RP1: variants seen among roughly 807,000 people sequenced by gnomAD.
RP1 encodes the protein RP1 axonemal microtubule associated, also known as oxygen-regulated protein 1.
A neutral mutation model predicts 14.8 loss-of-function variants in RP1; 16 were observed. The ratio of observed to expected loss-of-function variants is 1.08; its 90% CI spans 0.73 to 1.65. The LOEUF is 1.65. Among genes scored for constraint, RP1 ranks in the 40% most tolerant of loss-of-function variants. RP1 has a pLI of 0.00. For synonymous variants in RP1, 876 were observed against 883.6 expected, an observed-to-expected ratio of 0.99 and a Z score of 0.15; for missense variants, 2,631 against 2,535.0, an observed-to-expected ratio of 1.04 and a Z score of -0.81.
Position 54,627,751 on chromosome 8 carries a change from A to G in RP1, c.3869A>G (p.Gln1290Arg). Residue 1290 changes from glutamine to arginine, a missense_variant, in exon 4 of 4, where the codon CAG becomes CGG. Transcript: ENST00000220676. ...FFPSDGYGVD[Q>R]TSMNKACFLG... is the part of the protein sequence containing the mutation. ...CCTAGTGATGGTTATGGTGTGGATC[A>G]GACTTCTATGAATAAGGCTTGTTTC... 1.2e-6 allele frequency: 2 copies of G among 1,613,986 alleles called. No homozygotes were observed. Among genetic ancestry groups the G allele is most frequent in the Non-Finnish European group, 1.7e-6 (2 of 1,179,926 alleles).
At chr8:54,606,196 A>G (rs1805437881) in intron 1 of RP1, among the ~76,000 whole-genome samples, 1 of 152,210 alleles carries the variant, frequency 6.6e-6, no homozygotes, top group Admixed American at 6.5e-5. Flanking sequence ...GTTCCTTTGC[A>G]TGTTCAGTGC....
intron 1 of RP1, among the ~76,000 whole-genome samples, chr8:54,576,341 G>A (rs1190075167): frequency 1.3e-5 from 2 of 152,176 alleles, no homozygotes; most frequent in Non-Finnish European, 1.5e-5. Context: ...CACCGCGCCC[G>A]GCCAGAACAT....
At chr8:54,829,910 C>T (rs1811479083) in intron 24 of RP1, among the ~76,000 whole-genome samples, 1 of 151,964 alleles carries the variant, frequency 6.6e-6, no homozygotes, top group African/African-American at 2.4e-5. Context: ...TCCCATAAAC[C>T]AGTATAAATT....
At chr8:54,648,263 T>C (rs1194029900) in intron 3 of RP1, among the ~76,000 whole-genome samples, 5 of 152,140 alleles carry the variant, frequency 3.3e-5, no homozygotes, top group Non-Finnish European at 5.9e-5. Context: ...ACACTGATGT[T>C]TACCCCAAAG....
intron 3 of RP1, among the ~76,000 whole-genome samples, chr8:54,641,373 A>T (rs1585576856): frequency 6.6e-6 from 1 of 152,294 alleles, no homozygotes; most frequent in South Asian, 2.1e-4. Context: ...AGACAGACAC[A>T]GGCACTATTT....
At chr8:54,831,453 A>C (rs1165926440) in intron 24 of RP1, among the ~76,000 whole-genome samples, 1 of 69,834 alleles carries the variant, frequency 1.4e-5, no homozygotes, top group Non-Finnish European at 3.0e-5. Flanking sequence ...TTGGCTTATT[A>C]CCTGTGCCTG....
intron 26 of RP1, among the ~76,000 whole-genome samples, chr8:54,855,702 C>G (rs1446144256): frequency 6.6e-6 from 1 of 152,084 alleles, no homozygotes; most frequent in African/African-American, 2.4e-5. Context: ...GTGTGCTCTA[C>G]AAAAGAGGGT....
intron 13 of RP1, chr8:54,699,649 G>A: frequency 1.5e-6 from 1 of 645,354 alleles, no homozygotes; most frequent in Non-Finnish European, 2.3e-6. Context: ...ACATTTATAA[G>A]ATTACCATTT....
chr8:54,564,022 TGA>T (rs1015707931), intron 1 of RP1, among the ~76,000 whole-genome samples: 16 of 152,228 alleles, frequency 1.1e-4, no homozygotes, highest in African/African-American at 3.9e-4. Context: ...TATGCTGGTG[TGA>T]GAGACCGCTG....
chr8:54,599,713 C>T (rs1805230897), intron 1 of RP1, among the ~76,000 whole-genome samples: 1 of 152,128 alleles, frequency 6.6e-6, no homozygotes, highest in Non-Finnish European at 1.5e-5. Flanking sequence ...CCTTGGCCTC[C>T]CAAAGTACTG....
intron 25 of RP1, among the ~76,000 whole-genome samples, chr8:54,844,988 C>T (rs1184404235): frequency 1.3e-5 from 2 of 152,154 alleles, no homozygotes; most frequent in Admixed American, 6.5e-5. Context: ...CCACCTCACC[C>T]CTCTTCAGTC....
chr8:54,628,875 C>T lies in RP1; in HGVS notation c.4993C>T (p.Gln1665Ter). 6.2e-7 allele frequency: 1 copy of T among 1,614,050 alleles called. No individual in the cohort carries two copies. Among genetic ancestry groups the T allele is most frequent in the Non-Finnish European group, 8.5e-7 (1 of 1,179,972 alleles). ...TTGTCCTTATAATTCTGTGGAATTTCAGTGTTCCAGGAAAGCAAGTCTTTA... is the reference window on the plus strand; with the variant it reads ...TTGTCCTTATAATTCTGTGGAATTTTAGTGTTCCAGGAAAGCAAGTCTTTA... ...QVCPYNSVEF[Q>*]CSRKASLYDS... Residue 1665 changes from glutamine to a stop codon, truncating the protein, a stop_gained, in exon 4 of 4, where the codon CAG becomes TAG. Transcript: ENST00000220676. LOFTEE classifies it low-confidence loss of function (END_TRUNC).
intron 24 of RP1, among the ~76,000 whole-genome samples, chr8:54,787,385 C>T (rs912927712): frequency 2.0e-5 from 3 of 151,922 alleles, no homozygotes; most frequent in Non-Finnish European, 4.4e-5. Flanking sequence ...TCATAAATAT[C>T]CATTGAAATC....
intron 22 of RP1, among the ~76,000 whole-genome samples, chr8:54,767,804 C>T (rs1809796948): frequency 1.3e-5 from 2 of 152,098 alleles, no homozygotes; most frequent in South Asian, 2.1e-4. Flanking sequence ...TAATTAGGGG[C>T]TAACAAAATG....
At chr8:54,588,897 G>T (rs2129300031) in intron 1 of RP1, among the ~76,000 whole-genome samples, 1 of 152,310 alleles carries the variant, frequency 6.6e-6, no homozygotes, top group Admixed American at 6.5e-5. Flanking sequence ...TACTCATTGA[G>T]CTGTTCCAGG....
intron 7 of RP1, among the ~76,000 whole-genome samples, chr8:54,669,127 A>G (rs1807084263): frequency 6.6e-6 from 1 of 152,214 alleles, no homozygotes; most frequent in African/African-American, 2.4e-5. Context: ...CAATCTACCC[A>G]TCTGACAAAA....
intron 6 of RP1, among the ~76,000 whole-genome samples, chr8:54,659,243 T>G (rs1806825287): frequency 6.6e-6 from 1 of 152,152 alleles, no homozygotes; most frequent in Admixed American, 6.5e-5. Context: ...CCCCATTTGT[T>G]TATGTTTGTT....
At chr8:54,580,642 G>A (rs868522376) in intron 1 of RP1, among the ~76,000 whole-genome samples, 17 of 146,978 alleles carry the variant, frequency 1.2e-4, no homozygotes, top group South Asian at 8.7e-4. Context: ...TTTTTGAGAC[G>A]GAGTCTTGCT....
chr8:54,809,463 A>G (rs192817477), intron 24 of RP1, among the ~76,000 whole-genome samples: 23 of 152,320 alleles, frequency 1.5e-4, no homozygotes, highest in Middle Eastern at 3.4e-3. Flanking sequence ...CATCTGAATT[A>G]TGTATTAATA....
Sources: allele counts gnomAD v4.1 joint callset (sites outside exome capture counted in the v4.1 genomes callset), GRCh38; gene constraint gnomAD v4.1.1; transcripts MANE v1.5; gene names NCBI Gene and HGNC (gene_info 2026-07-23, HGNC 2026-07-21).